Variants in KIAA1217 observed in about 807,000 individuals in gnomAD.
The protein encoded by KIAA1217 is KIAA1217.
A neutral mutation model predicts 163.9 loss-of-function variants in KIAA1217; 88 were observed. The observed-to-expected ratio is 0.54, with a 90% CI of 0.45 to 0.64. The LOEUF is 0.64. Ranked by LOEUF, KIAA1217 falls within the 30% of genes least tolerant of loss-of-function variation. The probability of loss-of-function intolerance (pLI) is 0.00; values close to 1 mark genes in which losing one functional copy is unlikely to be tolerated. For synonymous variants in KIAA1217, 903 were observed against 923.1 expected (o/e 0.98, Z 0.39); for missense variants, 2,372 against 2,475.0 (o/e 0.96, Z 0.88).
intron 14 of KIAA1217, 35 bp downstream of exon 14, chr10:24,528,154 G>A: frequency 1.3e-6 from 2 of 1,599,920 alleles, no homozygotes; most frequent in Non-Finnish European, 1.7e-6. Flanking sequence ...ATATATGGAG[G>A]TACATGGCTT....
At chr10:23,987,375 T>TAAAAAA (rs1846019904) in intron 1 of KIAA1217, among the ~76,000 whole-genome samples, 1 of 40,556 alleles carries the variant, frequency 2.5e-5, no homozygotes, top group Non-Finnish European at 4.2e-5. Context: ...AGACTCCATC[T>TAAAAAA]CAAAAAAAAA....
chr10:23,820,770 A>C (rs1181110728), intron 1 of KIAA1217, among the ~76,000 whole-genome samples: 1 of 152,220 alleles, frequency 6.6e-6, no homozygotes, highest in East Asian at 1.9e-4. Context: ...TCTTATTAGC[A>C]TGAAATACTT....
chr10:23,813,268 G>A (rs371796983), intron 1 of KIAA1217, among the ~76,000 whole-genome samples: 39 of 151,920 alleles, frequency 2.6e-4, no homozygotes, highest in African/African-American at 9.2e-4. Flanking sequence ...CTTAAAACTA[G>A]GTTATTTGTC....
chr10:23,728,446 G>A (rs576600480), intron 1 of KIAA1217, among the ~76,000 whole-genome samples: 5 of 151,594 alleles, frequency 3.3e-5, no homozygotes, highest in African/African-American at 7.2e-5. Context: ...TATGTTTGTT[G>A]GCTGCACAAA....
intron 7 of KIAA1217, chr10:24,494,835 A>C: frequency 1.7e-6 from 1 of 578,466 alleles, no homozygotes; most frequent in Admixed American, 3.3e-5. Flanking sequence ...CCAAGAAGGT[A>C]AATGGGCTTC....
In KIAA1217 at chr10:23,846,582, T is replaced by A. The variant is rs577592591; in HGVS notation, c.-321+151348T>A. 6.6e-5 allele frequency among the ~76,000 whole-genome samples: 10 copies of A among 152,322 alleles called. No individual in the cohort carries two copies. In the East Asian group the frequency reaches 1.9e-3, roughly 29 times the overall value. On this transcript the variant is annotated intron_variant, in intron 1 of 18. Transcript: ENST00000376462. ...ATGCATGTGATTTTTGCACATTGATTTTGTATCCTAAGAGTTTGCTGAAGT... is the reference window on the plus strand; with the variant it reads ...ATGCATGTGATTTTTGCACATTGATATTGTATCCTAAGAGTTTGCTGAAGT...
intron 1 of KIAA1217, among the ~76,000 whole-genome samples, chr10:24,215,339 CCTTGCCTTCATG>C (rs1487074871): frequency 1.3e-5 from 2 of 152,200 alleles, no homozygotes; most frequent in Non-Finnish European, 2.9e-5. Flanking sequence ...CAAGCCCAAG[CCTTGCCTTCATG>C]CTACAGCTTC....
chr10:24,198,047 G>A (rs1328929764), intron 2 of KIAA1217, among the ~76,000 whole-genome samples: 1 of 152,214 alleles, frequency 6.6e-6, no homozygotes, highest in East Asian at 1.9e-4. Flanking sequence ...CCAAACATAT[G>A]CATCCACCTC....
chr10:23,710,883 T>C (rs1207653789), intron 1 of KIAA1217, among the ~76,000 whole-genome samples: 1 of 152,138 alleles, frequency 6.6e-6, no homozygotes, highest in African/African-American at 2.4e-5. Context: ...TTCTCTAGGG[T>C]CTGATCAATA....
intron 2 of KIAA1217, among the ~76,000 whole-genome samples, chr10:24,094,462 A>T (rs370152830): frequency 1.3e-5 from 2 of 152,180 alleles, no homozygotes; most frequent in East Asian, 1.9e-4. Flanking sequence ...CAGGACCCTC[A>T]GCTGCAGGTC....
chr10:23,878,288 G>A (rs138963262), intron 1 of KIAA1217, among the ~76,000 whole-genome samples: 115 of 151,886 alleles, frequency 7.6e-4, no homozygotes, highest in African/African-American at 1.1e-3. Context: ...TGAAGCCAGC[G>A]GACAGTATCA....
intron 1 of KIAA1217, among the ~76,000 whole-genome samples, chr10:23,947,357 C>T (rs1844103176): frequency 1.3e-5 from 2 of 152,204 alleles, no homozygotes; most frequent in Admixed American, 6.5e-5. Flanking sequence ...ACGATTATGA[C>T]TTTCAGCAGT....
intron 1 of KIAA1217, among the ~76,000 whole-genome samples, chr10:23,970,880 CA>C (rs1845285473): frequency 6.6e-6 from 1 of 152,140 alleles, no homozygotes; most frequent in African/African-American, 2.4e-5. Flanking sequence ...CTTGCCTCCT[CA>C]GGAGAAATAA....
intron 3 of KIAA1217, among the ~76,000 whole-genome samples, chr10:24,425,851 G>A (rs929508127): frequency 6.6e-6 from 1 of 152,198 alleles, no homozygotes; most frequent in Non-Finnish European, 1.5e-5. Flanking sequence ...ACAGTGATAT[G>A]TGGGAGTATC....
At chr10:24,289,373 G>A (rs1372911874) in intron 2 of KIAA1217, among the ~76,000 whole-genome samples, 1 of 152,164 alleles carries the variant, frequency 6.6e-6, no homozygotes, top group African/African-American at 2.4e-5. Context: ...AGAGGCCTGA[G>A]AGGAGAGACC....
Position 24,195,003 on chromosome 10 carries a change from G to T in KIAA1217, c.-170-24623G>T, listed in dbSNP as rs566217264. 7.2e-5 allele frequency among the ~76,000 whole-genome samples: 11 copies of T among 152,102 alleles called. No individual in the cohort carries two copies. The South Asian group carries it at 2.3e-3, about 32-fold the overall frequency. ...TCCATGCTCCTTCCAAGTGCTGGAG[G>T]CCAAGAGGAGAATGAGGCTGTCTTC... On this transcript the variant is annotated intron_variant, in intron 2 of 18. Transcript: ENST00000376462.
At chr10:24,545,289 T>C in intron 20 of KIAA1217, 186 bp downstream of exon 20, 1 of 1,410,536 alleles carries the variant, frequency 7.1e-7, no homozygotes, top group Non-Finnish European at 9.2e-7. Context: ...TTTTGCATGC[T>C]TGCAATAAAA....
chr10:23,872,514 G>C (rs995014052), intron 1 of KIAA1217, among the ~76,000 whole-genome samples: 2 of 152,050 alleles, frequency 1.3e-5, no homozygotes, highest in African/African-American at 4.8e-5. Flanking sequence ...ACACTGCAGA[G>C]AGCTTCATTT....
At chr10:24,503,887 A>G (rs757788511) in intron 9 of KIAA1217, among the ~76,000 whole-genome samples, 67 of 152,178 alleles carry the variant, frequency 4.4e-4, no homozygotes, top group South Asian at 2.1e-4. Context: ...AGAAAAACAT[A>G]CATATCATTT....
Sources: allele counts gnomAD v4.1 joint callset (sites outside exome capture counted in the v4.1 genomes callset), GRCh38; gene constraint gnomAD v4.1.1; transcripts MANE v1.5; gene names NCBI Gene and HGNC (gene_info 2026-07-23, HGNC 2026-07-21).